The following COL4A2 variants were observed in gnomAD, a reference collection of about 807,000 sequenced individuals.
COL4A2 encodes the protein collagen type IV alpha 2 chain.
In COL4A2, 99 loss-of-function variants were observed where a neutral mutation model predicts 200.2. The ratio of observed to expected loss-of-function variants is 0.49; its 90% confidence interval spans 0.42 to 0.58. The LOEUF is 0.58. COL4A2 is among the 20% of genes least tolerant of loss of function. The pLI is 0.00. For synonymous variants in COL4A2, 897 were observed against 900.6 expected (o/e 1.00, Z 0.07); for missense variants, 1,950 against 2,314.1 (o/e 0.84, Z 3.23).
intron 18 of COL4A2, among the ~76,000 whole-genome samples, chr13:110,449,083 G>A (rs1424340891): frequency 1.3e-5 from 2 of 152,226 alleles, no homozygotes; most frequent in Non-Finnish European, 1.5e-5. Context: ...AAGGAACTTC[G>A]TAAGACGACA....
At chr13:110,310,762 G>A (rs1051675330) in intron 3 of COL4A2, among the ~76,000 whole-genome samples, 1 of 152,228 alleles carries the variant, frequency 6.6e-6, no homozygotes, top group Non-Finnish European at 1.5e-5. Context: ...AGGATGGGCA[G>A]TGAAGAGCCT....
chr13:110,341,211 C>T (rs891917015), intron 3 of COL4A2, among the ~76,000 whole-genome samples: 1 of 152,216 alleles, frequency 6.6e-6, no homozygotes, highest in Admixed American at 6.5e-5. Context: ...GTGGCGTCAT[C>T]GGGACGACGG....
intron 3 of COL4A2, among the ~76,000 whole-genome samples, chr13:110,314,033 G>T (rs1195271664): frequency 1.3e-5 from 2 of 152,240 alleles, no homozygotes; most frequent in African/African-American, 4.8e-5. Flanking sequence ...GGTATCCTGG[G>T]GCGGGTCCTG....
At chr13:110,422,242 C>G (rs900178920) in intron 4 of COL4A2, among the ~76,000 whole-genome samples, 6 of 152,122 alleles carry the variant, frequency 3.9e-5, no homozygotes, top group African/African-American at 1.4e-4. Context: ...TAGCCACAAA[C>G]TAAACAAAAT....
chr13:110,461,227 A>G (rs1882013660), intron 22 of COL4A2, among the ~76,000 whole-genome samples: 2 of 152,220 alleles, frequency 1.3e-5, no homozygotes, highest in Admixed American at 6.5e-5. Flanking sequence ...ATTGTTCTCA[A>G]TATTATCACA....
chr13:110,419,563 C>G (rs990582098), intron 4 of COL4A2, among the ~76,000 whole-genome samples: 11 of 152,182 alleles, frequency 7.2e-5, no homozygotes, highest in African/African-American at 2.7e-4. Context: ...TGCCTCTTTT[C>G]TCAGAAGTGA....
At chr13:110,388,361 A>G (rs1045160173) in intron 4 of COL4A2, among the ~76,000 whole-genome samples, 2 of 152,116 alleles carry the variant, frequency 1.3e-5, no homozygotes, top group Non-Finnish European at 2.9e-5. Flanking sequence ...TGCTCCAGAC[A>G]CTACTTGAAA....
At chr13:110,494,864 TGC>T (rs1278186724) in intron 39 of COL4A2, among the ~76,000 whole-genome samples, 1 of 152,266 alleles carries the variant, frequency 6.6e-6, no homozygotes, top group Non-Finnish European at 1.5e-5. Flanking sequence ...CACGCACTCC[TGC>T]GTCATTAACA....
At chr13:110,408,271 G>A (rs1412813124) in intron 4 of COL4A2, among the ~76,000 whole-genome samples, 2 of 152,248 alleles carry the variant, frequency 1.3e-5, no homozygotes. Context: ...GCTGGGGATA[G>A]TGGCATTGCA....
chr13:110,325,674 C>T (rs1391910760), intron 3 of COL4A2, among the ~76,000 whole-genome samples: 11 of 152,224 alleles, frequency 7.2e-5, no homozygotes, highest in Admixed American at 7.2e-4. Context: ...ATTGCTTACC[C>T]CGGTAGGTGC....
chr13:110,367,556 G>A (rs1426860113), intron 4 of COL4A2, among the ~76,000 whole-genome samples: 4 of 152,216 alleles, frequency 2.6e-5, no homozygotes, highest in African/African-American at 9.6e-5. Context: ...CATTGTAAAA[G>A]TCTTATGAAA....
In COL4A2 at chr13:110,491,173, C is replaced by T. The variant is rs1222535944; in HGVS notation, c.3347-60C>T. The T allele has an allele frequency of 4.9e-6, 6 of 1,218,366 alleles. No homozygotes were observed. The African/African-American group carries it at 9.0e-5, about 18-fold the overall frequency. The allele number at this position is 1,218,366 out of a possible 1,614,324, so 75.5% of individuals were successfully genotyped here. A position where few individuals can be genotyped will look rare whatever the true frequency, so the allele number is the denominator to read the frequency against. On this transcript the variant is annotated intron_variant, in intron 36 of 47. Coordinates refer to ENST00000360467, the MANE Select transcript of COL4A2 (RefSeq NM_001846.4). ...TTCTGCACATCCTAGAGCCGGGGTT[C>T]CAGGGAACCCACAGGGGCGCGGTGT...
chr13:110,314,678 A>G (rs965426678), intron 3 of COL4A2, among the ~76,000 whole-genome samples: 18 of 152,138 alleles, frequency 1.2e-4, no homozygotes, highest in Non-Finnish European at 2.2e-4. Context: ...GGCTTGTATC[A>G]CAGTGTCGCT....
intron 47 of COL4A2, among the ~76,000 whole-genome samples, chr13:110,510,020 T>C (rs996122960): frequency 7.9e-5 from 12 of 152,200 alleles, no homozygotes; most frequent in Admixed American, 1.3e-4. Context: ...TAAATACTCT[T>C]TGATCCCTTC....
chr13:110,320,967 C>T (rs935287067), intron 3 of COL4A2, among the ~76,000 whole-genome samples: 10 of 152,092 alleles, frequency 6.6e-5, no homozygotes, highest in Admixed American at 6.5e-4. Context: ...TAGTCTTTCA[C>T]ATTTAAAAAA....
chr13:110,320,486 AT>A (rs554062393), intron 3 of COL4A2, among the ~76,000 whole-genome samples: 2 of 151,798 alleles, frequency 1.3e-5, no homozygotes. Context: ...CTGGTGCTTG[AT>A]TTTTTTTTAA....
At chr13:110,380,381 C>T (rs1408688586) in intron 4 of COL4A2, among the ~76,000 whole-genome samples, 1 of 152,172 alleles carries the variant, frequency 6.6e-6, no homozygotes, top group Non-Finnish European at 1.5e-5. Flanking sequence ...TTTCCTGTGC[C>T]TTTGCCTAAT....
chr13:110,475,171 G>A lies in COL4A2; in HGVS notation c.2425+2021G>A, dbSNP rs77339701. On this transcript the variant is annotated intron_variant, in intron 29 of 47. Coordinates refer to ENST00000360467, the MANE Select transcript of COL4A2 (RefSeq NM_001846.4). ...TGGGTGAAATTACGAGGATGGGGAG[G>A]CCTCGTGCTCGGCCATCCAGATCTC... Among the ~76,000 whole-genome samples, 4 of 152,388 alleles carry A rather than the reference G, an allele frequency of 2.6e-5. No homozygotes were observed. The East Asian group carries it at 5.8e-4, about 22-fold the overall frequency.
chr13:110,341,678 A>T (rs1239152943), intron 3 of COL4A2, among the ~76,000 whole-genome samples: 1 of 152,202 alleles, frequency 6.6e-6, no homozygotes, highest in Non-Finnish European at 1.5e-5. Flanking sequence ...CGCCAGGCTG[A>T]GTTGCTGTGT....
Sources: gnomAD v4.1 joint callset for allele counts (sites outside exome capture counted in the v4.1 genomes callset) on GRCh38, gnomAD v4.1.1 for gene constraint, MANE v1.5 for transcripts, NCBI Gene and HGNC (gene_info 2026-07-23, HGNC 2026-07-21) for gene names.